The following ZMYND11 variants were observed in gnomAD, a reference collection of about 807,000 sequenced individuals.
The protein encoded by ZMYND11 is zinc finger MYND domain-containing protein 11.
A neutral mutation model predicts 84.9 loss-of-function variants in ZMYND11; 9 were observed. The ratio of observed to expected loss-of-function variants is 0.11; its 90% CI spans 0.06 to 0.18. The LOEUF is 0.18. ZMYND11 is among the 10% of genes least tolerant of loss of function. ZMYND11 has a pLI of 1.00. For missense variants in ZMYND11, 409 were observed against 761.0 expected, an observed-to-expected ratio of 0.54 and a Z score of 5.44; for synonymous variants, 250 against 244.1, an observed-to-expected ratio of 1.02 and a Z score of -0.23.
intron 2 of ZMYND11, among the ~76,000 whole-genome samples, chr10:181,940 T>A (rs1262894563): frequency 1.3e-5 from 2 of 152,220 alleles, no homozygotes; most frequent in Non-Finnish European, 2.9e-5. Flanking sequence ...TATTTTCTTA[T>A]GGTTGAGATT....
At chr10:215,144 ATC>A (rs1945952327) in intron 3 of ZMYND11, among the ~76,000 whole-genome samples, 1 of 152,234 alleles carries the variant, frequency 6.6e-6, no homozygotes, top group Non-Finnish European at 1.5e-5. Context: ...GATACTTTTG[ATC>A]TCACATTTAA....
intron 4 of ZMYND11, among the ~76,000 whole-genome samples, chr10:228,146 C>G (rs1333643195): frequency 2.0e-5 from 3 of 152,084 alleles, no homozygotes; most frequent in Admixed American, 1.3e-4. Flanking sequence ...AAAATTGGAT[C>G]TACAATATAA....
intron 2 of ZMYND11, among the ~76,000 whole-genome samples, chr10:197,302 GTA>G (rs1942056571): frequency 6.6e-6 from 1 of 152,230 alleles, no homozygotes; most frequent in Admixed American, 6.5e-5. Context: ...TTGTATTCAT[GTA>G]TGTGTATCAA....
At chr10:184,164 A>G (rs959237771) in intron 2 of ZMYND11, among the ~76,000 whole-genome samples, 21 of 152,214 alleles carry the variant, frequency 1.4e-4, no homozygotes, top group Admixed American at 1.4e-3. Context: ...CATGGTTCTC[A>G]GGGACATCAT....
At chr10:199,339 G>A (rs1037919534) in intron 2 of ZMYND11, among the ~76,000 whole-genome samples, 4 of 126,068 alleles carry the variant, frequency 3.2e-5, no homozygotes, top group Admixed American at 9.6e-5. Context: ...CTCTCCCTCC[G>A]TCTCTGTCTC....
intron 1 of ZMYND11, among the ~76,000 whole-genome samples, chr10:149,824 C>T (rs1554756461): frequency 6.6e-6 from 1 of 152,132 alleles, no homozygotes; most frequent in South Asian, 2.1e-4. Flanking sequence ...TACATTATTT[C>T]AACACTTCTT....
In ZMYND11 at chr10:145,576, G is replaced by A. The variant is rs186890186; in HGVS notation, c.-20+10017G>A. The stretch of plus-strand genomic sequence containing the variant: ...AACACCTATTGGTTTTTGACTTTCT[G>A]ATAGTCACCATTCTGGTGGGGGTAA... On this transcript the variant is annotated intron_variant, in intron 1 of 14. Transcript: ENST00000381604. Among the ~76,000 whole-genome samples the A allele has an allele frequency of 3.3e-5, 5 of 152,258 alleles. No homozygotes were observed. The East Asian group carries it at 9.6e-4, about 29-fold the overall frequency.
At chr10:191,343 G>C (rs1482998811) in intron 2 of ZMYND11, among the ~76,000 whole-genome samples, 1 of 152,140 alleles carries the variant, frequency 6.6e-6, no homozygotes, top group Non-Finnish European at 1.5e-5. Context: ...TAATGGATTT[G>C]TATCTTTGCA....
intron 2 of ZMYND11, among the ~76,000 whole-genome samples, chr10:200,800 G>A (rs1317445709): frequency 1.3e-5 from 2 of 151,936 alleles, no homozygotes; most frequent in Admixed American, 6.6e-5. Context: ...GATTTAAGAA[G>A]GAAAAATTGT....
At chr10:145,410 C>A (rs746114833) in intron 1 of ZMYND11, among the ~76,000 whole-genome samples, 93 of 152,018 alleles carry the variant, frequency 6.1e-4, no homozygotes, top group Non-Finnish European at 1.2e-3. Context: ...TGGGTAGATG[C>A]CCAGCAGTGG....
chr10:201,042 CAT>C lies in ZMYND11; in HGVS notation c.117-8845_117-8844del, dbSNP rs1271995974. Among the ~76,000 whole-genome samples, 4 of 151,930 alleles carry C rather than the reference CAT, an allele frequency of 2.6e-5. No homozygotes were observed. The East Asian group carries it at 7.7e-4, about 29-fold the overall frequency. On this transcript the variant is annotated intron_variant, in intron 2 of 14. Coordinates refer to ENST00000381604, the MANE Select transcript of ZMYND11 (RefSeq NM_001370100.5). The stretch of plus-strand genomic sequence containing the variant: ...GTTATACTTCCATAGCTTTTATACT[CAT>C]AAAGTCTTTTGACAGCAAGATACTA...
At chr10:240,657 C>T (rs925769634) in intron 8 of ZMYND11, among the ~76,000 whole-genome samples, 8 of 152,194 alleles carry the variant, frequency 5.3e-5, no homozygotes, top group African/African-American at 1.7e-4. Flanking sequence ...CCAGTCAGAC[C>T]AGCCTCAGCT....
intron 2 of ZMYND11, among the ~76,000 whole-genome samples, chr10:190,144 G>A (rs559724810): frequency 5.3e-5 from 8 of 152,218 alleles, no homozygotes; most frequent in African/African-American, 1.7e-4. Context: ...TTCCACCGCA[G>A]CTGGATTGAC....
At chr10:169,216 A>G (rs1231925323) in intron 1 of ZMYND11, among the ~76,000 whole-genome samples, 1 of 152,084 alleles carries the variant, frequency 6.6e-6, no homozygotes, top group Non-Finnish European at 1.5e-5. Flanking sequence ...TGTCCCACAT[A>G]AGGGGGGAAA....
At chr10:187,059 C>T (rs190601317) in intron 2 of ZMYND11, among the ~76,000 whole-genome samples, 9 of 151,968 alleles carry the variant, frequency 5.9e-5, no homozygotes, top group Admixed American at 5.9e-4. Context: ...GAGACCCTAT[C>T]TCTACAAAAA....
At chr10:139,407 A>G (rs571612483) in intron 1 of ZMYND11, among the ~76,000 whole-genome samples, 4 of 152,238 alleles carry the variant, frequency 2.6e-5, no homozygotes, top group African/African-American at 9.6e-5. Context: ...TATTTCTACC[A>G]ATATCTCTTA....
At chr10:135,117 G>T (rs182715662), upstream of ZMYND11, 1 of 150,354 alleles carries the variant, frequency 6.7e-6, no homozygotes, top group Non-Finnish European at 1.5e-5. The surrounding 1 kb of genome is among the most constrained non-coding windows in gnomAD (Gnocchi z 5.6). Flanking sequence ...GCGGCTTCGC[G>T]GGGACCCAAC....
chr10:132,305 A>C (rs1371513869), upstream of ZMYND11, among the ~76,000 whole-genome samples: 1 of 149,010 alleles, frequency 6.7e-6, no homozygotes, highest in Non-Finnish European at 1.5e-5. Flanking sequence ...TATTTTATAT[A>C]TATATATTTT....
intron 2 of ZMYND11, among the ~76,000 whole-genome samples, chr10:186,902 C>T (rs916282558): frequency 9.2e-5 from 14 of 151,962 alleles, no homozygotes; most frequent in African/African-American, 1.9e-4. Flanking sequence ...AAGAGAGTTC[C>T]GAGTCTTTTT....
Sources: gnomAD v4.1 joint callset for allele counts (sites outside exome capture counted in the v4.1 genomes callset) on GRCh38, gnomAD v4.1.1 for gene constraint, Gnocchi (gnomAD v3.1) non-coding constraint, MANE v1.5 for transcripts, NCBI Gene and HGNC (gene_info 2026-07-23, HGNC 2026-07-21) for gene names.